Variants in CNTLN observed in about 807,000 individuals in gnomAD.
CNTLN encodes centlein.
CNTLN carries 212 observed loss-of-function variants against 180.0 expected under a neutral mutation model. The ratio of observed to expected loss-of-function variants is 1.18; its 90% CI spans 1.05 to 1.32. The LOEUF is 1.32. Ranked by LOEUF, CNTLN falls within the 40% of genes most tolerant of loss-of-function variation. CNTLN has a pLI of 0.00. For synonymous variants in CNTLN, 722 were observed against 563.1 expected (o/e 1.28, Z -3.99); for missense variants, 2,095 against 1,610.9 (o/e 1.30, Z -5.14).
At chr9:17,238,212 T>G (rs1166703348) in intron 5 of CNTLN, among the ~76,000 whole-genome samples, 2 of 152,186 alleles carry the variant, frequency 1.3e-5, no homozygotes, top group East Asian at 3.8e-4. Context: ...AGACGTTGAA[T>G]AAAGAAAACT....
rs184968019 is a variant in CNTLN, at chr9:17,327,358, G to A, written c.1342-3274G>A. 4.2e-4 allele frequency among the ~76,000 whole-genome samples: 63 copies of A among 151,674 alleles called. No homozygotes were observed. In the East Asian group the frequency reaches 8.1e-3, roughly 19 times the overall value. ...CTCCCGAGTAGCTGGGACTACAGGCGTCTGCCACAGTGAGACGGGGTTTCA... is the reference window on the plus strand; with the variant it reads ...CTCCCGAGTAGCTGGGACTACAGGCATCTGCCACAGTGAGACGGGGTTTCA... On this transcript the variant is annotated intron_variant, in intron 8 of 25. Transcript: ENST00000380647.
chr9:17,276,251 C>T (rs1234793799), intron 6 of CNTLN, among the ~76,000 whole-genome samples: 1 of 151,960 alleles, frequency 6.6e-6, no homozygotes, highest in Non-Finnish European at 1.5e-5. Context: ...GTTGAGATGT[C>T]TACAGTGTGT....
the CNTLN span, among the ~76,000 whole-genome samples, chr9:17,520,866 G>A: frequency 2.6e-5 from 4 of 152,288 alleles, no homozygotes; most frequent in East Asian, 5.8e-4. Context: ...TTGCCTTGGC[G>A]ATGGAGGCTA....
intron 2 of CNTLN, among the ~76,000 whole-genome samples, chr9:17,204,612 A>G (rs955882455): frequency 2.6e-5 from 4 of 152,088 alleles, no homozygotes; most frequent in Non-Finnish European, 5.9e-5. Context: ...TCTGTCAACC[A>G]TGTTGGGAGG....
rs780538315 is a variant in CNTLN, at chr9:17,388,271, A to G, written c.2079+18A>G. 2.6e-6 allele frequency: 4 copies of G among 1,515,148 alleles called. No individual in the cohort carries two copies. The East Asian group carries it at 9.0e-5, about 34-fold the overall frequency. 93.9% of individuals were successfully genotyped at this position (1,515,148 alleles called of 1,614,324 possible). The stretch of plus-strand genomic sequence containing the variant: ...TACAGAAGGTAGTCTAATCTTTAAG[A>G]TATTGAGCTGAGCAAGTTAAATCTG... On this transcript the variant is annotated intron_variant, in intron 14 of 25. Coordinates refer to ENST00000380647, the MANE Select transcript of CNTLN (RefSeq NM_017738.4).
At chr9:17,308,463 A>G (rs1467008551) in intron 7 of CNTLN, among the ~76,000 whole-genome samples, 4 of 152,046 alleles carry the variant, frequency 2.6e-5, no homozygotes, top group African/African-American at 9.7e-5. Flanking sequence ...CTAGCAGTAG[A>G]TACTAAATTA....
Position 17,466,782 on chromosome 9 carries a change from C to A in CNTLN, c.3746C>A (p.Ser1249Tyr), listed in dbSNP as rs923582235. 7 of 1,610,920 alleles carry A rather than the reference C, an allele frequency of 4.3e-6. No individual in the cohort carries two copies. The Admixed American group carries it at 5.0e-5, about 12-fold the overall frequency. The change falls in exon 23 of 26, where the codon TCT becomes TAT. Residue 1249 changes from serine to tyrosine, a missense_variant. Transcript: ENST00000380647. The stretch of plus-strand genomic sequence containing the variant: ...ATGGCAGAAATTGAAACAGCAGCAT[C>A]TAAGCAGCTTCAAGAATTAGCATTG... Reference protein sequence around the residue: ...SAMAEIETAASKQLQELALQS... With the variant: ...SAMAEIETAAYKQLQELALQS...
intron 6 of CNTLN, among the ~76,000 whole-genome samples, chr9:17,295,686 A>T (rs1047962556): frequency 3.3e-5 from 5 of 151,968 alleles, no homozygotes; most frequent in African/African-American, 1.2e-4. Context: ...GATCTGGACA[A>T]ATTCAGTGCT....
intron 2 of CNTLN, among the ~76,000 whole-genome samples, chr9:17,153,357 CA>C (rs538304177): frequency 0.02 from 3,031 of 152,202 alleles, 66 homozygotes; most frequent in African/African-American, 0.053. Context: ...CTGGTGGTGA[CA>C]AAAATCCCTC....
intron 5 of CNTLN, among the ~76,000 whole-genome samples, chr9:17,257,195 C>A (rs1826566987): frequency 6.6e-6 from 1 of 151,406 alleles, no homozygotes; most frequent in Non-Finnish European, 1.5e-5. Flanking sequence ...TCTCATTGTT[C>A]AATTCCCACC....
At chr9:17,505,119 C>A (rs1833908924), downstream of CNTLN, among the ~76,000 whole-genome samples, 1 of 119,632 alleles carries the variant, frequency 8.4e-6, no homozygotes, top group Admixed American at 1.0e-4. Flanking sequence ...AAGCATGTGA[C>A]AAAAATTGGC....
At chr9:17,225,927 T>A (rs1824437025) in intron 2 of CNTLN, among the ~76,000 whole-genome samples, 1 of 152,008 alleles carries the variant, frequency 6.6e-6, no homozygotes, top group African/African-American at 2.4e-5. Context: ...TTAATTGTAA[T>A]TATTTTCAAA....
the CNTLN span, among the ~76,000 whole-genome samples, chr9:17,516,719 A>G: frequency 6.6e-6 from 1 of 152,098 alleles, no homozygotes; most frequent in Non-Finnish European, 1.5e-5. Flanking sequence ...GCCAGCTCTC[A>G]CATAGACGGG....
At chr9:17,521,348 A>C in the CNTLN span, among the ~76,000 whole-genome samples, 1 of 152,046 alleles carries the variant, frequency 6.6e-6, no homozygotes, top group Admixed American at 6.6e-5. Flanking sequence ...TAATAGAGCA[A>C]TCTTAGGTGT....
intron 5 of CNTLN, among the ~76,000 whole-genome samples, chr9:17,248,395 T>G (rs75979086): frequency 1.3e-5 from 2 of 151,958 alleles, no homozygotes; most frequent in Non-Finnish European, 2.9e-5. Flanking sequence ...TTTTGATAAC[T>G]GATTCAGTCT....
At chr9:17,376,182 A>G (rs1225635643) in intron 13 of CNTLN, among the ~76,000 whole-genome samples, 2 of 151,552 alleles carry the variant, frequency 1.3e-5, no homozygotes, top group Non-Finnish European at 2.9e-5. Flanking sequence ...TTTATGTCCT[A>G]CTCTTGCTGT....
At chr9:17,325,492 A>C (rs1217901206) in intron 8 of CNTLN, among the ~76,000 whole-genome samples, 2 of 149,036 alleles carry the variant, frequency 1.3e-5, no homozygotes, top group African/African-American at 4.9e-5. Flanking sequence ...TCATTCAAGT[A>C]GTTAGTTTTT....
chr9:17,376,409 T>C (rs1824763387), intron 13 of CNTLN, among the ~76,000 whole-genome samples: 1 of 151,976 alleles, frequency 6.6e-6, no homozygotes, highest in African/African-American at 2.4e-5. Context: ...TTTAATATTA[T>C]CATATAACCA....
At chr9:17,228,435 T>G (rs2132100966) in intron 3 of CNTLN, among the ~76,000 whole-genome samples, 1 of 152,212 alleles carries the variant, frequency 6.6e-6, no homozygotes, top group East Asian at 1.9e-4. Context: ...GATTATAACT[T>G]TCTACAAAGT....
Sources: gnomAD v4.1 joint callset for allele counts (sites outside exome capture counted in the v4.1 genomes callset) on GRCh38, gnomAD v4.1.1 for gene constraint, MANE v1.5 for transcripts, NCBI Gene and HGNC (gene_info 2026-07-23, HGNC 2026-07-21) for gene names.